ATMIN: variants seen among roughly 807,000 people sequenced by gnomAD.
ATMIN encodes the protein ATM INteracting protein.
In ATMIN, 24 loss-of-function variants were observed where a neutral mutation model predicts 49.2. The observed-to-expected ratio is 0.49, with a 90% CI of 0.35 to 0.69. ATMIN has a LOEUF of 0.69. Ranked by LOEUF, ATMIN falls within the 30% of genes least tolerant of loss-of-function variation. The pLI is 0.00. For synonymous variants in ATMIN, 450 were observed against 392.5 expected, an observed-to-expected ratio of 1.15 and a Z score of -1.73; for missense variants, 1,037 against 1,005.5, an observed-to-expected ratio of 1.03 and a Z score of -0.42.
chr16:81,037,123 A>C (rs1025094034), intron 1 of ATMIN: 1 of 960,996 alleles, frequency 1.0e-6, no homozygotes, highest in African/African-American at 1.8e-5. Context: ...GTCCAGCCCC[A>C]CCCCGGACCT....
rs562293980 is a variant in ATMIN at position 81,041,521 on chromosome 16, C to T, written c.462+40C>T. ...GAGGATGAGATACAGATGCTAAAAA[C>T]CTATTGTGCATTCTGATTACTTAGC... On this transcript the variant is annotated intron_variant, in intron 2 of 3. Transcript: ENST00000299575. The T allele has an allele frequency of 4.4e-6, 7 of 1,577,488 alleles. No individual in the cohort carries two copies. In the African/African-American group the frequency reaches 9.6e-5, roughly 22 times the overall value.
chr16:81,039,217 G>T (rs1165965462), intron 1 of ATMIN, among the ~76,000 whole-genome samples: 1 of 152,202 alleles, frequency 6.6e-6, no homozygotes, highest in African/African-American at 2.4e-5. Flanking sequence ...GTTGACCAGA[G>T]ACTCCATCCA....
chr16:81,037,762 A>G (rs1970969987), intron 1 of ATMIN, among the ~76,000 whole-genome samples: 2 of 151,976 alleles, frequency 1.3e-5, no homozygotes, highest in African/African-American at 2.4e-5. Flanking sequence ...CAGCCTCCCT[A>G]GTAGCTGGGA....
In ATMIN at chr16:81,045,601, A is replaced by C. The variant is rs1044691055; in HGVS notation, c.*631A>C. On this transcript the variant is annotated 3_prime_UTR_variant, in exon 4 of 4. Coordinates refer to ENST00000299575, the MANE Select transcript of ATMIN (RefSeq NM_015251.3). The stretch of plus-strand genomic sequence containing the variant: ...ATGTAATCATTGCCACCTCTTCGCT[A>C]CATGAACTACTATTGATACCAGCAT... 1 of 152,698 alleles carries C rather than the reference A, an allele frequency of 6.5e-6. No individual in the cohort carries two copies. Among genetic ancestry groups the C allele is most frequent in the Non-Finnish European group, 1.5e-5 (1 of 68,450 alleles). 9.5% of individuals were successfully genotyped at this position (152,698 alleles called of 1,614,324 possible).
chr16:81,044,922 T>C lies in ATMIN; in HGVS notation c.2424T>C (p.Ser808=). The C allele has an allele frequency of 6.2e-7, 1 of 1,614,060 alleles. No individual in the cohort carries two copies. Residue 808 remains serine (S), a synonymous_variant, in exon 4 of 4, where the codon TCT becomes TCC. Coordinates refer to ENST00000299575, the MANE Select transcript of ATMIN (RefSeq NM_015251.3). ...AWNTMESQFS[S]VETQTSAEPH... is the part of the protein sequence containing the mutation. ...ACACGATGGAGTCTCAGTTCAGCTC[T>C]GTAGAAACCCAGACTTCTGCGGAAC...
In ATMIN at chr16:81,038,287, C is replaced by T. The variant is rs895045894; in HGVS notation, c.336+2081C>T. On this transcript the variant is annotated intron_variant, in intron 1 of 3. Coordinates refer to ENST00000299575, the MANE Select transcript of ATMIN (RefSeq NM_015251.3). Reference sequence around the variant, plus strand: ...CTGGGATTACAGGTGCATACCACCACGCCCAGCTAATTTTTGTATTTTTAG... The same window carrying T: ...CTGGGATTACAGGTGCATACCACCATGCCCAGCTAATTTTTGTATTTTTAG... 5.9e-5 allele frequency among the ~76,000 whole-genome samples: 9 copies of T among 151,936 alleles called. No individual in the cohort carries two copies. The East Asian group carries it at 7.8e-4, about 13-fold the overall frequency.
intron 1 of ATMIN, among the ~76,000 whole-genome samples, chr16:81,037,900 A>G (rs1970972441): frequency 6.6e-6 from 1 of 152,060 alleles, no homozygotes; most frequent in Admixed American, 6.5e-5. Flanking sequence ...TCAGCCTCTT[A>G]AAGTGCTGGG....
At chr16:81,039,224 T>A (rs1283152309) in intron 1 of ATMIN, among the ~76,000 whole-genome samples, 1 of 152,242 alleles carries the variant, frequency 6.6e-6, no homozygotes, top group Non-Finnish European at 1.5e-5. Context: ...AGAGACTCCA[T>A]CCACTTTCTG....
At position 81,036,124 on chromosome 16, in the gene ATMIN, T is replaced by C. The variant is rs770051803; in HGVS notation, c.254T>C (p.Leu85Pro). The C allele has an allele frequency of 6.8e-7, 1 of 1,462,944 alleles. No individual in the cohort carries two copies. The highest frequency in any genetic ancestry group is 9.1e-7 in the Non-Finnish European group (1 of 1,099,958). The allele number at this position is 1,462,944 out of a possible 1,614,324, so 90.6% of individuals were successfully genotyped here. A position where few individuals can be genotyped will look rare whatever the true frequency, so the allele number is the denominator to read the frequency against. Residue 85 changes from leucine (L) to proline (P), a missense_variant, in exon 1 of 4, where the codon CTG becomes CCG. Coordinates refer to ENST00000299575, the MANE Select transcript of ATMIN (RefSeq NM_015251.3). ...ELSRAVRTNI[L>P]CTVRGCGKIL... ...TCCCGGGCCGTGCGGACCAACATCC[T>C]GTGCACCGTGCGCGGCTGCGGCAAG...
chr16:81,042,542 A>G (rs1597126066), intron 3 of ATMIN, 62 bp downstream of exon 3: 1 of 1,524,374 alleles, frequency 6.6e-7, no homozygotes, highest in Non-Finnish European at 9.0e-7. Flanking sequence ...CAGATGAAAC[A>G]TCCTGGAGAG....
In ATMIN at chr16:81,044,480, C is replaced by T. The variant is rs1362000859; in HGVS notation, c.1982C>T (p.Thr661Ile). The T allele has an allele frequency of 6.2e-7, 1 of 1,614,152 alleles. No homozygotes were observed. The highest frequency in any genetic ancestry group is 1.7e-5 in the Admixed American group (1 of 60,022). The change falls in exon 4 of 4, where the codon ACC (threonine) becomes ATC (isoleucine). Residue 661 changes from threonine (T) to isoleucine (I), a missense_variant. Thr to Ile is a moderately conservative substitution (Grantham distance 89). Transcript: ENST00000299575. ...TEESELSTMT[T>I]EPVLESLDIE... is the part of the protein sequence containing the mutation. The stretch of plus-strand genomic sequence containing the variant: ...GAGAGTGAACTTAGCACCATGACCA[C>T]CGAGCCAGTCTTGGAGTCACTGGAC...
At chr16:81,038,939 G>T (rs1055905001) in intron 1 of ATMIN, among the ~76,000 whole-genome samples, 3 of 152,142 alleles carry the variant, frequency 2.0e-5, no homozygotes, top group African/African-American at 7.2e-5. Flanking sequence ...GGGACTACAG[G>T]CATGCTCCAC....
Position 81,043,982 on chromosome 16 carries a change from C to T in ATMIN, c.1484C>T (p.Thr495Ile). 1 of 1,614,172 alleles carries T rather than the reference C, an allele frequency of 6.2e-7. No homozygotes were observed. Among genetic ancestry groups the T allele is most frequent in the South Asian group, 1.1e-5 (1 of 91,084 alleles). ...QSGGVSRETQTSGIESPTDDH... is the reference protein window; with the variant it reads ...QSGGVSRETQISGIESPTDDH... ...GGTGGGGTCTCCAGAGAAACTCAAA[C>T]CAGTGGGATAGAAAGTCCAACGGAT... Residue 495 changes from threonine to isoleucine, a missense_variant, in exon 4 of 4, where the codon ACC (threonine) becomes ATC (isoleucine). Thr to Ile is a moderately conservative substitution (Grantham distance 89). Coordinates refer to ENST00000299575, the MANE Select transcript of ATMIN (RefSeq NM_015251.3).
At chr16:81,038,771 C>T (rs927850742) in intron 1 of ATMIN, among the ~76,000 whole-genome samples, 1 of 152,096 alleles carries the variant, frequency 6.6e-6, no homozygotes, top group African/African-American at 2.4e-5. Context: ...TAGGCTCCTG[C>T]CACCATGCCC....
At chr16:81,036,422 GC>G (rs1970935310) in intron 1 of ATMIN, among the ~76,000 whole-genome samples, 1 of 152,076 alleles carries the variant, frequency 6.6e-6, no homozygotes, top group Non-Finnish European at 1.5e-5. Context: ...GGAGCTGGGA[GC>G]CCCGGGTCCG....
Position 81,046,690 on chromosome 16 carries a change from A to ACG in ATMIN, c.*1721_*1722dup, listed in dbSNP as rs1476335807. 2.0e-5 allele frequency: 3 copies of ACG among 151,538 alleles called. No individual in the cohort carries two copies. The highest frequency in any genetic ancestry group is 4.4e-5 in the Non-Finnish European group (3 of 67,974). 9.4% of individuals were successfully genotyped at this position (151,538 alleles called of 1,614,324 possible). Reference sequence around the variant, plus strand: ...CACACACACACACACACACACACACACGACATGCTCCTTTCTGTGGCACAT... The same window carrying ACG: ...CACACACACACACACACACACACACACGCGACATGCTCCTTTCTGTGGCACAT... On this transcript the variant is annotated 3_prime_UTR_variant, in exon 4 of 4. Transcript: ENST00000299575.
intron 1 of ATMIN, among the ~76,000 whole-genome samples, chr16:81,038,226 GT>G (rs1488708010): frequency 6.6e-5 from 10 of 151,966 alleles, no homozygotes; most frequent in African/African-American, 2.4e-4. Context: ...TGCCTCCCAG[GT>G]TCAAGCGAGT....
At position 81,043,156 on chromosome 16, in the gene ATMIN, T is replaced by C. The variant is rs1971062798; in HGVS notation, c.663-5T>C. On this transcript the variant is annotated splice_region_variant and splice_polypyrimidine_tract_variant and intron_variant, in intron 3 of 3. Coordinates refer to ENST00000299575, the MANE Select transcript of ATMIN (RefSeq NM_015251.3). ...GTTTTCTTTTTGCTCTGTCATTGTT[T>C]TCAGGGACCCACCTAGTAAGAAAAG... 5 of 1,589,842 alleles carry C rather than the reference T, an allele frequency of 3.1e-6. No individual in the cohort carries two copies. The Admixed American group carries it at 7.5e-5, about 24-fold the overall frequency.
Position 81,036,127 on chromosome 16 carries a change from G to A in ATMIN, c.257G>A (p.Cys86Tyr). ...LSRAVRTNIL[C>Y]TVRGCGKILP... ...CGGGCCGTGCGGACCAACATCCTGT[G>A]CACCGTGCGCGGCTGCGGCAAGATC... The change falls in exon 1 of 4, where the codon TGC becomes TAC. Residue 86 changes from cysteine (C) to tyrosine (Y), a missense_variant. Cys to Tyr is a radical substitution (Grantham distance 194). Coordinates refer to ENST00000299575, the MANE Select transcript of ATMIN (RefSeq NM_015251.3). 1 of 1,463,044 alleles carries A rather than the reference G, an allele frequency of 6.8e-7. No individual in the cohort carries two copies. The highest frequency in any genetic ancestry group is 1.3e-5 in the South Asian group (1 of 79,634). The allele number at this position is 1,463,044 out of a possible 1,614,324, so 90.6% of individuals were successfully genotyped here. A position where few individuals can be genotyped will look rare whatever the true frequency, so the allele number is the denominator to read the frequency against.
Sources: gnomAD v4.1 joint callset for allele counts (sites outside exome capture counted in the v4.1 genomes callset) on GRCh38, gnomAD v4.1.1 for gene constraint, MANE v1.5 for transcripts, NCBI Gene and HGNC (gene_info 2026-07-23, HGNC 2026-07-21) for gene names.